The following PCDHGA5 variants were observed in gnomAD, a reference collection of about 807,000 sequenced individuals.
PCDHGA5 encodes protocadherin gamma subfamily A, 5.
In PCDHGA5, 36 loss-of-function variants were observed where a neutral mutation model predicts 56.7. That is an observed-to-expected ratio of 0.64 (90% confidence interval 0.49 to 0.84). The LOEUF is 0.84. Among genes scored for constraint, PCDHGA5 ranks in the 40% least tolerant of loss-of-function variants. The pLI, the probability that PCDHGA5 is intolerant of heterozygous loss-of-function variation, is 0.00. For synonymous variants in PCDHGA5, 563 were observed against 520.2 expected (o/e 1.08, Z -1.12); for missense variants, 1,305 against 1,201.5 (o/e 1.09, Z -1.27).
chr5:141,441,840 C>T (rs2098278154), intron 1 of PCDHGA5: 1 of 355,864 alleles, frequency 2.8e-6, no homozygotes, highest in Non-Finnish European at 5.5e-6. Flanking sequence ...GCTTCGCGCT[C>T]TTGGATATGG....
chr5:141,377,101 A>G (rs6895700), intron 1 of PCDHGA5: 15,808 of 152,272 alleles, frequency 0.1, 1,337 homozygotes, highest in African/African-American at 0.24. Flanking sequence ...CTTTTATATC[A>G]AAAGAATGTT....
intron 1 of PCDHGA5, among the ~76,000 whole-genome samples, chr5:141,380,299 C>T (rs1776363020): frequency 6.6e-6 from 1 of 152,092 alleles, no homozygotes; most frequent in Non-Finnish European, 1.5e-5. Context: ...ATACCTATAT[C>T]TTTGCTTGAG....
chr5:141,485,511 C>G lies in PCDHGA5; in HGVS notation c.2422-9296C>G, dbSNP rs1168331122. The G allele has an allele frequency of 1.2e-6, 2 of 1,614,042 alleles. No individual in the cohort carries two copies. Among genetic ancestry groups the G allele is most frequent in the Non-Finnish European group, 1.7e-6 (2 of 1,180,038 alleles). On this transcript the variant is annotated intron_variant, in intron 1 of 3. Transcript: ENST00000518069. The surrounding 1 kb of genome is among the most constrained non-coding windows in gnomAD (Gnocchi z 5.7). Reference sequence around the variant, plus strand: ...CCCCTGGAGTTTGTCACCGAAGGTCCTTTGGAAATGTACCGAGCAGAGGTA... The same window carrying G: ...CCCCTGGAGTTTGTCACCGAAGGTCGTTTGGAAATGTACCGAGCAGAGGTA...
At chr5:141,453,145 G>A (rs1329081754) in intron 1 of PCDHGA5, among the ~76,000 whole-genome samples, 3 of 151,752 alleles carry the variant, frequency 2.0e-5, no homozygotes, top group Admixed American at 6.6e-5. Context: ...ATAGGGTCTC[G>A]CTATGTCACC....
At chr5:141,414,239 C>T in intron 1 of PCDHGA5, 1 of 1,613,498 alleles carries the variant, frequency 6.2e-7, no homozygotes, top group Non-Finnish European at 8.5e-7. Context: ...ACCATCACGT[C>T]TCTATTTAGT....
chr5:141,476,951 A>C lies in PCDHGA5; in HGVS notation c.2422-17856A>C. On this transcript the variant is annotated intron_variant, in intron 1 of 3. Coordinates refer to ENST00000518069, the MANE Select transcript of PCDHGA5 (RefSeq NM_018918.3). The surrounding 1 kb of genome is among the most constrained non-coding windows in gnomAD (Gnocchi z 7.6). ...TCTGGATGAAGGCCCCAACGGTGAA[A>C]TTATTTACTCCTTCGGCAGCCACAA... 6.2e-7 allele frequency: 1 copy of C among 1,614,184 alleles called. No individual in the cohort carries two copies. Among genetic ancestry groups the C allele is most frequent in the South Asian group, 1.1e-5 (1 of 91,088 alleles).
At chr5:141,390,318 C>T in intron 1 of PCDHGA5, 1 of 1,609,020 alleles carries the variant, frequency 6.2e-7, no homozygotes, top group Non-Finnish European at 8.5e-7. Context: ...TGCTCATTGC[C>T]TACCCATTTC....
At chr5:141,420,094 G>A in intron 1 of PCDHGA5, 7 of 1,614,058 alleles carry the variant, frequency 4.3e-6, no homozygotes, top group Non-Finnish European at 5.9e-6. Flanking sequence ...ACTACAGTGA[G>A]GGAACGTTGC....
intron 1 of PCDHGA5, chr5:141,417,843 G>C: frequency 6.5e-7 from 1 of 1,539,250 alleles, no homozygotes; most frequent in Non-Finnish European, 8.8e-7. Context: ...GGGACCCAGC[G>C]AGAACCCGAG....
chr5:141,472,980 C>CAAAAAAAAAAAAAAAAAAGAAAAAAAA (rs60579131), intron 1 of PCDHGA5, among the ~76,000 whole-genome samples: 1 of 86,106 alleles, frequency 1.2e-5, no homozygotes, highest in Non-Finnish European at 2.5e-5. Flanking sequence ...GAGTGAAACT[C>CAAAAAAAAAAAAAAAAAAGAAAAAAAA]AAAAAAAAAA....
chr5:141,447,235 G>T (rs1458489257), intron 1 of PCDHGA5, among the ~76,000 whole-genome samples: 1 of 152,084 alleles, frequency 6.6e-6, no homozygotes, highest in Non-Finnish European at 1.5e-5. Flanking sequence ...CGCCTCCCGG[G>T]TTCAAGTGAT....
At chr5:141,501,206 A>G (rs977574347) in intron 2 of PCDHGA5, among the ~76,000 whole-genome samples, 22 of 151,674 alleles carry the variant, frequency 1.5e-4, no homozygotes, top group African/African-American at 5.3e-4. Context: ...GGGTGTTGTC[A>G]GGGTGACTTC....
rs1561685937 is a variant in PCDHGA5 at position 141,403,112 on chromosome 5, C to T, written c.2421+36361C>T. On this transcript the variant is annotated intron_variant, in intron 1 of 3. Coordinates refer to ENST00000518069, the MANE Select transcript of PCDHGA5 (RefSeq NM_018918.3). ...GGGCAACATCTCCAAGGACCTGGCT[C>T]TGGAGCCCCGGGAGCTGGCGGAGCG... 5.6e-6 allele frequency: 9 copies of T among 1,614,074 alleles called. No individual in the cohort carries two copies. In the East Asian group the frequency reaches 2.0e-4, roughly 36 times the overall value.
chr5:141,500,186 T>A (rs1008615587), intron 2 of PCDHGA5, among the ~76,000 whole-genome samples: 7 of 99,362 alleles, frequency 7.0e-5, no homozygotes, highest in African/African-American at 3.5e-4. Flanking sequence ...ATTTTTATTT[T>A]TATTTATTTA....
At chr5:141,407,976 G>T (rs1392473551) in intron 1 of PCDHGA5, 2 of 742,146 alleles carry the variant, frequency 2.7e-6, no homozygotes, top group South Asian at 2.3e-5. Flanking sequence ...CTGACGCCGG[G>T]GATCCGTCAG....
At chr5:141,496,289 G>A (rs1347634489) in intron 2 of PCDHGA5, among the ~76,000 whole-genome samples, 3 of 152,224 alleles carry the variant, frequency 2.0e-5, no homozygotes, top group Non-Finnish European at 4.4e-5. Flanking sequence ...GGTCTGAGCA[G>A]AGTGGGATAG....
Position 141,491,676 on chromosome 5 carries a change from T to C in PCDHGA5, c.2422-3131T>C. On this transcript the variant is annotated intron_variant, in intron 1 of 3. Coordinates refer to ENST00000518069, the MANE Select transcript of PCDHGA5 (RefSeq NM_018918.3). The surrounding 1 kb of genome is among the most constrained non-coding windows in gnomAD (Gnocchi z 6.9). ...AGCCTGACGCCATCCGGTCCCGCTC[T>C]AATACGCTGCGGGAGCGGAGCCAGG... 3.1e-6 allele frequency: 5 copies of C among 1,613,546 alleles called. No individual in the cohort carries two copies. Among genetic ancestry groups the C allele is most frequent in the Non-Finnish European group, 4.2e-6 (5 of 1,179,848 alleles).
chr5:141,506,165 C>T (rs1359711670), intron 3 of PCDHGA5, among the ~76,000 whole-genome samples: 8 of 152,038 alleles, frequency 5.3e-5, no homozygotes, highest in South Asian at 2.1e-4. Context: ...AAGAGCACAG[C>T]CTAAGCTGGG....
intron 1 of PCDHGA5, among the ~76,000 whole-genome samples, chr5:141,445,851 A>G (rs957077325): frequency 2.0e-5 from 3 of 152,210 alleles, no homozygotes; most frequent in African/African-American, 7.2e-5. Context: ...CACACTTAAA[A>G]TTCTGGATTT....
Sources: gnomAD v4.1 joint callset for allele counts (sites outside exome capture counted in the v4.1 genomes callset) on GRCh38, gnomAD v4.1.1 for gene constraint, Gnocchi (gnomAD v3.1) non-coding constraint, MANE v1.5 for transcripts, NCBI Gene and HGNC (gene_info 2026-07-23, HGNC 2026-07-21) for gene names.